The following ANK2 variants were observed in gnomAD, a reference collection of about 807,000 sequenced individuals.
ANK2 encodes ankyrin 2, also known as ankyrin-2.
In ANK2, 83 loss-of-function variants were observed where a neutral mutation model predicts 360.5. The observed-to-expected ratio is 0.23, with a 90% confidence interval of 0.19 to 0.28. ANK2 has a LOEUF of 0.28. Ranked by LOEUF, ANK2 falls within the 10% of genes least tolerant of loss-of-function variation. The pLI, the probability that ANK2 is intolerant of heterozygous loss-of-function variation, is 1.00. For missense variants in ANK2, 4,201 were observed against 4,795.7 expected, an observed-to-expected ratio of 0.88 and a Z score of 3.66; for synonymous variants, 1,740 against 1,759.5, an observed-to-expected ratio of 0.99 and a Z score of 0.28.
At chr4:113,359,580 G>A (rs1380925378) in intron 38 of ANK2, among the ~76,000 whole-genome samples, 1 of 152,100 alleles carries the variant, frequency 6.6e-6, no homozygotes, top group Non-Finnish European at 1.5e-5. Context: ...ACGTAATAAG[G>A]CCATGCGAGC....
chr4:113,119,516 A>G (rs2095188098), intron 1 of ANK2, among the ~76,000 whole-genome samples: 1 of 152,242 alleles, frequency 6.6e-6, no homozygotes, highest in East Asian at 1.9e-4. Flanking sequence ...TAGTTCATGA[A>G]GAAATGAAAA....
intron 29 of ANK2, among the ~76,000 whole-genome samples, chr4:113,335,468 A>G (rs558084567): frequency 6.6e-6 from 1 of 152,320 alleles, no homozygotes; most frequent in East Asian, 1.9e-4. Flanking sequence ...GAGCCCAGAA[A>G]CAACTTCCTT....
chr4:112,875,175 C>T (rs2074636231), intron 1 of ANK2, among the ~76,000 whole-genome samples: 1 of 152,096 alleles, frequency 6.6e-6, no homozygotes, highest in African/African-American at 2.4e-5. Flanking sequence ...GTGGGCGCCA[C>T]CATGCCCAAG....
At chr4:112,737,957 C>T in the ANK2 span, among the ~76,000 whole-genome samples, 2 of 152,122 alleles carry the variant, frequency 1.3e-5, no homozygotes, top group South Asian at 4.1e-4. Context: ...TTTGGTTCAT[C>T]GGGGTACATC....
At chr4:113,072,099 T>C (rs2077785152) in intron 1 of ANK2, 1 of 152,172 alleles carries the variant, frequency 6.6e-6, no homozygotes, top group African/African-American at 2.4e-5. Flanking sequence ...CAATTCAAGA[T>C]GAGATTTGGA....
chr4:113,057,708 C>T (rs913331740), intron 1 of ANK2, among the ~76,000 whole-genome samples: 2 of 151,926 alleles, frequency 1.3e-5, no homozygotes, highest in African/African-American at 4.8e-5. Flanking sequence ...AAGTAAGCCT[C>T]CAAATTAACA....
chr4:112,789,000 G>T, the ANK2 span: 1,069 of 550,958 alleles, frequency 1.9e-3, 30 homozygotes, highest in South Asian at 0.029. Flanking sequence ...TTCCCTCAAA[G>T]TGTTTAGGGC....
the ANK2 span, among the ~76,000 whole-genome samples, chr4:112,801,714 A>T: frequency 6.6e-6 from 1 of 152,204 alleles, no homozygotes; most frequent in Non-Finnish European, 1.5e-5. Flanking sequence ...GAAAATAAAA[A>T]AAGATGAGTG....
chr4:113,246,466 C>T (rs1038024310), intron 9 of ANK2, among the ~76,000 whole-genome samples: 2 of 152,050 alleles, frequency 1.3e-5, no homozygotes, highest in Non-Finnish European at 2.9e-5. Context: ...TGAAAGACCT[C>T]ATTTCAATGT....
rs939813289 is a variant in ANK2 at position 113,374,970 on chromosome 4, T to G, written c.11859+1521T>G. On this transcript the variant is annotated intron_variant, in intron 45 of 45. Coordinates refer to ENST00000357077, the MANE Select transcript of ANK2 (RefSeq NM_001148.6). ...AGGTATAGAAGCATCATCATTTGTC[T>G]TTTTATGTGTGTGTTTTATGTTGCT... The G allele has an allele frequency of 4.7e-6, 5 of 1,067,160 alleles. No homozygotes were observed. The Admixed American group carries it at 1.8e-4, about 39-fold the overall frequency. The allele number at this position is 1,067,160 out of a possible 1,614,324, so 66.1% of individuals were successfully genotyped here.
intron 2 of ANK2, among the ~76,000 whole-genome samples, chr4:113,019,390 T>A (rs886820517): frequency 3.0e-4 from 45 of 152,188 alleles, no homozygotes; most frequent in African/African-American, 1.0e-3. Flanking sequence ...TTCGGTTAAA[T>A]GTTGTTATTT....
intron 1 of ANK2, among the ~76,000 whole-genome samples, chr4:113,134,251 G>C (rs1041254072): frequency 6.7e-6 from 1 of 149,920 alleles, no homozygotes; most frequent in African/African-American, 2.5e-5. Flanking sequence ...AACTGCAATG[G>C]AAGTAGCTCT....
At chr4:112,908,394 T>G (rs894191637) in intron 2 of ANK2, among the ~76,000 whole-genome samples, 2 of 152,174 alleles carry the variant, frequency 1.3e-5, no homozygotes, top group Non-Finnish European at 2.9e-5. Context: ...TCATTTTATT[T>G]TAAGACCAAA....
Position 113,271,479 on chromosome 4 carries a change from G to GACACACACACACACAC in ANK2, c.1486-2964_1486-2949dup, listed in dbSNP as rs3059950. On this transcript the variant is annotated intron_variant, in intron 14 of 45. Transcript: ENST00000357077. The stretch of plus-strand genomic sequence containing the variant: ...ACGCATGCGTGCACATGCACGCACA[G>GACACACACACACACAC]ACACACACACACACACACACACACT... 9.3e-5 allele frequency among the ~76,000 whole-genome samples: 14 copies of GACACACACACACACAC among 150,426 alleles called. No homozygotes were observed. In the East Asian group the frequency reaches 1.4e-3, roughly 15 times the overall value.
At chr4:113,180,524 G>A (rs1458462902) in intron 2 of ANK2, among the ~76,000 whole-genome samples, 1 of 152,166 alleles carries the variant, frequency 6.6e-6, no homozygotes, top group Non-Finnish European at 1.5e-5. Flanking sequence ...GCCATAGCCT[G>A]TATCACCAAA....
chr4:113,046,614 C>T (rs564031060), upstream of ANK2, among the ~76,000 whole-genome samples: 2 of 152,218 alleles, frequency 1.3e-5, no homozygotes, highest in East Asian at 3.9e-4. Context: ...AGACCTGGCC[C>T]TCACCAGACA....
chr4:112,842,583 C>T (rs913514209), intron 1 of ANK2, among the ~76,000 whole-genome samples: 18 of 152,092 alleles, frequency 1.2e-4, no homozygotes, highest in African/African-American at 3.4e-4. Flanking sequence ...ATAAGAAGCC[C>T]GTAACTTAGA....
rs1207966975 is a variant in ANK2, at chr4:112,895,734, G to A, written c.-39-8721G>A. 2.6e-5 allele frequency among the ~76,000 whole-genome samples: 4 copies of A among 152,176 alleles called. No homozygotes were observed. In the South Asian group the frequency reaches 6.2e-4, roughly 24 times the overall value. On this transcript the variant is annotated intron_variant, in intron 1 of 30. Coordinates refer to the ANK2 transcript ENST00000503271. ...ATTACATAGTTTGGTTACATTGAAAGTCTGCCTAACATCCCACAAAATCTG... is the reference window on the plus strand; with the variant it reads ...ATTACATAGTTTGGTTACATTGAAAATCTGCCTAACATCCCACAAAATCTG...
intron 34 of ANK2, among the ~76,000 whole-genome samples, chr4:113,344,189 G>A (rs2094578292): frequency 6.6e-6 from 1 of 152,132 alleles, no homozygotes. Flanking sequence ...GACATCATTG[G>A]TGTGCAGAAT....
Sources: allele counts gnomAD v4.1 joint callset (sites outside exome capture counted in the v4.1 genomes callset), GRCh38; gene constraint gnomAD v4.1.1; transcripts MANE v1.5; gene names NCBI Gene and HGNC (gene_info 2026-07-23, HGNC 2026-07-21).